GRID2: variants seen among roughly 807,000 people sequenced by gnomAD.
The protein encoded by GRID2 is glutamate receptor ionotropic, delta-2.
In GRID2, 33 loss-of-function variants were observed where a neutral mutation model predicts 114.8. That is an observed-to-expected ratio of 0.29 (90% CI 0.22 to 0.38). The LOEUF (loss-of-function observed/expected upper bound fraction) is 0.38, where lower values mean the gene tolerates loss of function less well. Among genes scored for constraint, GRID2 ranks in the 10% least tolerant of loss-of-function variants. GRID2 has a pLI of 1.00. For synonymous variants in GRID2, 505 were observed against 449.9 expected (o/e 1.12, Z -1.55); for missense variants, 1,184 against 1,257.7 (o/e 0.94, Z 0.89).
intron 8 of GRID2, among the ~76,000 whole-genome samples, chr4:93,253,032 G>A (rs192163344): frequency 2.4e-4 from 36 of 151,796 alleles, no homozygotes; most frequent in Admixed American, 1.6e-3. Context: ...GGCAGATCAC[G>A]AGGTCAGGAG....
chr4:93,417,577 A>C (rs574085048), intron 9 of GRID2, among the ~76,000 whole-genome samples: 1 of 152,102 alleles, frequency 6.6e-6, no homozygotes, highest in East Asian at 1.9e-4. Flanking sequence ...CCTTCCCAGC[A>C]TCCCAGAGTC....
At chr4:92,432,174 G>C (rs1424123833) in intron 1 of GRID2, among the ~76,000 whole-genome samples, 1 of 152,078 alleles carries the variant, frequency 6.6e-6, no homozygotes, top group Non-Finnish European at 1.5e-5. Context: ...CCACCACTAG[G>C]ACTGCTCTGG....
intron 4 of GRID2, among the ~76,000 whole-genome samples, chr4:93,200,931 A>T (rs1019660937): frequency 5.3e-5 from 8 of 152,208 alleles, no homozygotes; most frequent in African/African-American, 1.9e-4. Context: ...CTGAAATGTG[A>T]GGAGCTGATA....
chr4:92,473,270 G>A (rs7676323), intron 1 of GRID2, among the ~76,000 whole-genome samples: 56,676 of 151,788 alleles, frequency 0.37, 11,188 homozygotes, highest in African/African-American at 0.5. Context: ...TTTGATGTAT[G>A]TGATCTTTTA....
chr4:93,337,457 T>C (rs555410973), intron 8 of GRID2, among the ~76,000 whole-genome samples: 1 of 152,246 alleles, frequency 6.6e-6, no homozygotes, highest in South Asian at 2.1e-4. Flanking sequence ...CATCACAGAT[T>C]TGCATTATCG....
At chr4:93,026,665 A>T (rs539454101) in intron 2 of GRID2, among the ~76,000 whole-genome samples, 91 of 151,860 alleles carry the variant, frequency 6.0e-4, no homozygotes, top group African/African-American at 2.1e-3. Flanking sequence ...TGTATTTTTC[A>T]GCATTATAAT....
In GRID2 at chr4:92,844,956, A is replaced by G. The variant is rs186298377; in HGVS notation, c.245-240039A>G. Among the ~76,000 whole-genome samples, 386 of 152,258 alleles carry G rather than the reference A, an allele frequency of 2.5e-3. 2 individuals are homozygous for G. The highest frequency in any genetic ancestry group is 4.5e-3 in the Non-Finnish European group (304 of 68,018). On this transcript the variant is annotated intron_variant, in intron 2 of 15. Transcript: ENST00000282020. ...TGTCTATTTACTTGTATAATAATAAATTTGTGGCTGTTGAGCACTAACTAG... is the reference window on the plus strand; with the variant it reads ...TGTCTATTTACTTGTATAATAATAAGTTTGTGGCTGTTGAGCACTAACTAG...
chr4:92,925,269 A>C (rs1425385921), intron 2 of GRID2, among the ~76,000 whole-genome samples: 1 of 152,038 alleles, frequency 6.6e-6, no homozygotes, highest in Non-Finnish European at 1.5e-5. Flanking sequence ...AGTAAGTTGT[A>C]ATGCTGAGAT....
intron 2 of GRID2, among the ~76,000 whole-genome samples, chr4:92,868,450 A>G (rs994359355): frequency 4.6e-5 from 7 of 152,304 alleles, no homozygotes; most frequent in South Asian, 4.1e-4. Context: ...GAATTTATCT[A>G]TTACAAAATA....
chr4:93,572,759 G>A (rs1019639721), intron 13 of GRID2, among the ~76,000 whole-genome samples: 14 of 152,072 alleles, frequency 9.2e-5, no homozygotes, highest in Non-Finnish European at 1.9e-4. Flanking sequence ...ACCCACAGTA[G>A]CATTTATACC....
chr4:92,868,029 TTTC>T (rs1465118445), intron 2 of GRID2, among the ~76,000 whole-genome samples: 2 of 116,484 alleles, frequency 1.7e-5, no homozygotes, highest in Non-Finnish European at 3.6e-5. Context: ...TCTTTCTTTC[TTTC>T]TTTCTTTCTT....
chr4:92,562,603 T>G (rs552702360), intron 1 of GRID2, among the ~76,000 whole-genome samples: 8 of 152,182 alleles, frequency 5.3e-5, no homozygotes, highest in African/African-American at 1.7e-4. Context: ...CACAGATCAG[T>G]GAGGAGCTGC....
intron 1 of GRID2, among the ~76,000 whole-genome samples, chr4:92,515,428 CTA>C (rs1358345448): frequency 2.6e-5 from 4 of 151,718 alleles, no homozygotes; most frequent in Non-Finnish European, 4.4e-5. Flanking sequence ...TATTGAATAA[CTA>C]TATGTTTTTC....
chr4:93,118,097 T>C (rs539927016), intron 4 of GRID2, among the ~76,000 whole-genome samples: 1 of 152,226 alleles, frequency 6.6e-6, no homozygotes. Flanking sequence ...CAGGTAGAGG[T>C]CTTGATGCTT....
At position 93,697,921 on chromosome 4, in the gene GRID2, T is replaced by C. The variant is rs549864322; in HGVS notation, c.2361-71289T>C. On this transcript the variant is annotated intron_variant, in intron 14 of 15. Transcript: ENST00000282020. ...TGTACACGATACAATTTTGTCCATTTTTTTAAAAAAGAAAAATTTTAACAC... is the reference window on the plus strand; with the variant it reads ...TGTACACGATACAATTTTGTCCATTCTTTTAAAAAAGAAAAATTTTAACAC... Among the ~76,000 whole-genome samples, 103 of 134,768 alleles carry C rather than the reference T, an allele frequency of 7.6e-4. 1 individual carries two copies. The highest frequency in any genetic ancestry group is 2.7e-3 in the African/African-American group (102 of 37,138). 88.4% of individuals were successfully genotyped at this position (134,768 alleles called of 152,430 possible). A position where few individuals can be genotyped will look rare whatever the true frequency, so the allele number is the denominator to read the frequency against.
chr4:92,729,579 G>A (rs529177969), intron 2 of GRID2, among the ~76,000 whole-genome samples: 10 of 152,144 alleles, frequency 6.6e-5, no homozygotes, highest in South Asian at 2.1e-4. Context: ...GCGCTAAAGC[G>A]TAAGGATTTT....
At chr4:92,733,427 C>T (rs1032361451) in intron 2 of GRID2, among the ~76,000 whole-genome samples, 5 of 152,032 alleles carry the variant, frequency 3.3e-5, no homozygotes, top group Admixed American at 3.3e-4. Flanking sequence ...TATTCAGTGA[C>T]CTCTCCCGAG....
intron 2 of GRID2, among the ~76,000 whole-genome samples, chr4:93,078,305 T>A (rs951519721): frequency 6.6e-5 from 10 of 152,140 alleles, no homozygotes; most frequent in African/African-American, 2.4e-4. Flanking sequence ...CAATCTCTAG[T>A]TGAGGAAAAA....
chr4:92,508,285 A>T (rs1300304141), intron 1 of GRID2, among the ~76,000 whole-genome samples: 1 of 151,928 alleles, frequency 6.6e-6, no homozygotes, highest in Non-Finnish European at 1.5e-5. Context: ...CCTTCTACAT[A>T]CCACTCATAC....
Sources: gnomAD v4.1 joint callset for allele counts (sites outside exome capture counted in the v4.1 genomes callset) on GRCh38, gnomAD v4.1.1 for gene constraint, MANE v1.5 for transcripts, NCBI Gene and HGNC (gene_info 2026-07-23, HGNC 2026-07-21) for gene names.